The following ARNT2 variants were observed in gnomAD, a reference collection of about 807,000 sequenced individuals.
ARNT2 encodes aryl hydrocarbon receptor nuclear translocator 2, also known as ARNT protein 2.
ARNT2 carries 36 observed loss-of-function variants against 91.7 expected under a neutral mutation model. That is an observed-to-expected ratio of 0.39 (90% CI 0.30 to 0.52). The LOEUF (loss-of-function observed/expected upper bound fraction) is 0.52. Among genes scored for constraint, ARNT2 ranks in the 20% least tolerant of loss-of-function variants. ARNT2 has a pLI of 0.72. For missense variants in ARNT2, 775 were observed against 939.3 expected (o/e 0.83, Z 2.29); for synonymous variants, 365 against 347.1 (o/e 1.05, Z -0.57).
At position 80,593,781 on chromosome 15, in the gene ARNT2, C is replaced by A; in HGVS notation, c.*83C>A. 1 of 1,282,846 alleles carries A rather than the reference C, an allele frequency of 7.8e-7. No individual in the cohort carries two copies. 79.5% of individuals were successfully genotyped at this position (1,282,846 alleles called of 1,614,324 possible). ...CCATGTGAATGAGGCCCACCCTCGC[C>A]CTGCTTGCCCTGCCGCAGGCCCCCC... On this transcript the variant is annotated 3_prime_UTR_variant, in exon 19 of 19. Transcript: ENST00000303329.
intron 5 of ARNT2, among the ~76,000 whole-genome samples, chr15:80,486,674 G>A (rs1230366785): frequency 6.6e-6 from 1 of 152,212 alleles, no homozygotes; most frequent in African/African-American, 2.4e-5. Context: ...GGACCCACAA[G>A]CCTATTTTTG....
At chr15:80,417,788 C>A (rs1286445400) in intron 1 of ARNT2, among the ~76,000 whole-genome samples, 1 of 152,188 alleles carries the variant, frequency 6.6e-6, no homozygotes. Flanking sequence ...ATTTTCCCAG[C>A]TGTGAAATGA....
intron 18 of ARNT2, 133 bp from the exon 19 acceptor site, chr15:80,593,467 G>C (rs1448018398): frequency 1.5e-6 from 1 of 659,540 alleles, no homozygotes; most frequent in Non-Finnish European, 2.6e-6. Flanking sequence ...CCCGCAGAAG[G>C]CTGGGGAGGA....
intron 12 of ARNT2, among the ~76,000 whole-genome samples, chr15:80,572,647 G>T (rs556910816): frequency 1.8e-4 from 27 of 152,196 alleles, no homozygotes; most frequent in Non-Finnish European, 3.5e-4. Flanking sequence ...GACCACGAAC[G>T]TGTCAGAGGA....
intron 4 of ARNT2, among the ~76,000 whole-genome samples, chr15:80,471,158 A>G (rs951041813): frequency 6.6e-6 from 1 of 152,272 alleles, no homozygotes; most frequent in Non-Finnish European, 1.5e-5. Context: ...TTGGATAAAG[A>G]TAATGTGGTA....
intron 8 of ARNT2, among the ~76,000 whole-genome samples, chr15:80,540,385 G>T (rs774121301): frequency 1.3e-5 from 2 of 152,132 alleles, no homozygotes; most frequent in East Asian, 1.9e-4. Flanking sequence ...CTGTGGAATT[G>T]ATTTCTGTTT....
At chr15:80,533,935 A>G (rs1430707563) in intron 8 of ARNT2, among the ~76,000 whole-genome samples, 5 of 152,144 alleles carry the variant, frequency 3.3e-5, no homozygotes, top group African/African-American at 4.8e-5. Context: ...CTTTATTTTT[A>G]TGGCCCTGTA....
At chr15:80,438,428 TATAAAG>T (rs1896127131) in intron 1 of ARNT2, among the ~76,000 whole-genome samples, 2 of 152,224 alleles carry the variant, frequency 1.3e-5, no homozygotes, top group Admixed American at 1.3e-4. Flanking sequence ...AATTTGTCCT[TATAAAG>T]ATATGAAGGA....
At position 80,578,945 on chromosome 15, in the gene ARNT2, C is replaced by T. The variant is rs747676163; in HGVS notation, c.1614-1466C>T. Among the ~76,000 whole-genome samples the T allele has an allele frequency of 7.2e-5, 11 of 152,330 alleles. 1 individual carries two copies. The South Asian group carries it at 1.7e-3, about 23-fold the overall frequency. On this transcript the variant is annotated intron_variant, in intron 15 of 18. Coordinates refer to ENST00000303329, the MANE Select transcript of ARNT2 (RefSeq NM_014862.4). ...AATACAGCCATAGGGAATCCTGGGC[C>T]GCTTGCAGAATGGTGTTGCTGGCAC...
Position 80,558,465 on chromosome 15 carries a change from G to T in ARNT2, c.1164+3326G>T, listed in dbSNP as rs145787753. Among the ~76,000 whole-genome samples the T allele has an allele frequency of 9.0e-3, 1,359 of 150,642 alleles. 24 individuals are homozygous for T. Among genetic ancestry groups the T allele is most frequent in the African/African-American group, 0.031 (1,260 of 40,926 alleles). ...AGTGATTCTCATGCCTCAGCCTCCC[G>T]AGTAGCTGGGATTACAGGCCTGTGC... On this transcript the variant is annotated intron_variant, in intron 11 of 18. Transcript: ENST00000303329.
At chr15:80,492,774 G>C (rs1198301220) in intron 5 of ARNT2, among the ~76,000 whole-genome samples, 1 of 152,122 alleles carries the variant, frequency 6.6e-6, no homozygotes, top group Non-Finnish European at 1.5e-5. Context: ...GTTTTTAGCA[G>C]TATCACTATT....
intron 16 of ARNT2, 98 bp downstream of exon 16, chr15:80,580,647 C>A: frequency 2.0e-6 from 3 of 1,512,236 alleles, no homozygotes; most frequent in South Asian, 1.2e-5. Flanking sequence ...GATGGGTCGG[C>A]TCCTAGCTGG....
intron 3 of ARNT2, among the ~76,000 whole-genome samples, chr15:80,466,113 C>T (rs927973653): frequency 1.3e-5 from 2 of 152,248 alleles, no homozygotes; most frequent in African/African-American, 4.8e-5. Flanking sequence ...AGGTTCCCTT[C>T]CCATAGCAGA....
chr15:80,557,857 A>T (rs1324106425), intron 11 of ARNT2, among the ~76,000 whole-genome samples: 2 of 151,288 alleles, frequency 1.3e-5, no homozygotes, highest in Non-Finnish European at 2.9e-5. Context: ...CTCTTACTCT[A>T]CTCCAAGCCA....
chr15:80,527,658 A>G (rs1348647946), intron 8 of ARNT2, among the ~76,000 whole-genome samples: 2 of 152,204 alleles, frequency 1.3e-5, no homozygotes, highest in Non-Finnish European at 2.9e-5. Context: ...CAACAACCCT[A>G]ATGAGGTACA....
chr15:80,578,265 C>T lies in ARNT2; in HGVS notation c.1613+1300C>T, dbSNP rs1898720091. On this transcript the variant is annotated intron_variant, in intron 15 of 18. Coordinates refer to ENST00000303329, the MANE Select transcript of ARNT2 (RefSeq NM_014862.4). ...GCATGACCGGAGAAGGTCTGGCTGA[C>T]TCTTCAGCTAGGCCTGAAAGCAAAA... Among the ~76,000 whole-genome samples the T allele has an allele frequency of 2.6e-5, 4 of 152,144 alleles. No homozygotes were observed. The South Asian group carries it at 8.3e-4, about 31-fold the overall frequency.
intron 3 of ARNT2, among the ~76,000 whole-genome samples, chr15:80,463,647 C>G (rs892047579): frequency 2.7e-5 from 4 of 148,224 alleles, no homozygotes; most frequent in African/African-American, 7.5e-5. Flanking sequence ...GGCGCGGTCT[C>G]GGTTCACTGC....
chr15:80,431,413 A>G (rs1055893717), intron 1 of ARNT2, among the ~76,000 whole-genome samples: 3 of 152,060 alleles, frequency 2.0e-5, no homozygotes, highest in Non-Finnish European at 4.4e-5. Flanking sequence ...GCTCCTGCCA[A>G]CCACTTCCCT....
intron 1 of ARNT2, among the ~76,000 whole-genome samples, chr15:80,435,917 C>T (rs576244665): frequency 1.3e-5 from 2 of 152,210 alleles, no homozygotes; most frequent in African/African-American, 2.4e-5. Flanking sequence ...ATGGCTAGTG[C>T]GTCCCAGCTA....
Sources: allele counts gnomAD v4.1 joint callset (sites outside exome capture counted in the v4.1 genomes callset), GRCh38; gene constraint gnomAD v4.1.1; transcripts MANE v1.5; gene names NCBI Gene and HGNC (gene_info 2026-07-23, HGNC 2026-07-21).